PDE5A: variants seen among roughly 807,000 people sequenced by gnomAD.
PDE5A encodes phosphodiesterase 5A.
In PDE5A, 67 loss-of-function variants were observed where a neutral mutation model predicts 110.2. The ratio of observed to expected loss-of-function variants is 0.61; its 90% CI spans 0.50 to 0.75. The LOEUF is 0.75. PDE5A is among the 30% of genes least tolerant of loss of function. PDE5A has a pLI of 0.00. For missense variants in PDE5A, 862 were observed against 1,045.1 expected (o/e 0.82, Z 2.42); for synonymous variants, 328 against 351.2 (o/e 0.93, Z 0.74).
At chr4:119,582,454 C>G (rs1199256366) in intron 3 of PDE5A, among the ~76,000 whole-genome samples, 1 of 152,142 alleles carries the variant, frequency 6.6e-6, no homozygotes, top group Non-Finnish European at 1.5e-5. Flanking sequence ...CAAAGTCATC[C>G]ATGAAGGCTG....
rs60252749 is a variant in PDE5A, at chr4:119,559,422, T to G, written c.1199+874A>C. Among the ~76,000 whole-genome samples the G allele has an allele frequency of 5.8e-3, 879 of 152,332 alleles. 13 individuals are homozygous for G. Among genetic ancestry groups the G allele is most frequent in the African/African-American group, 0.019 (807 of 41,578 alleles). ...CATCATTTTGGACTTTTAATATGAT[T>G]ATCATACTGATGTTCCTATTGTCCC... On this transcript the variant is annotated intron_variant, in intron 7 of 20. Transcript: ENST00000354960.
At chr4:119,544,283 T>C (rs1397530112) in intron 9 of PDE5A, among the ~76,000 whole-genome samples, 2 of 152,216 alleles carry the variant, frequency 1.3e-5, no homozygotes, top group Non-Finnish European at 2.9e-5. Flanking sequence ...TACATGCTTA[T>C]CTATTTGCAA....
At chr4:119,604,922 C>T (rs1019215766) in intron 2 of PDE5A, among the ~76,000 whole-genome samples, 3 of 152,114 alleles carry the variant, frequency 2.0e-5, no homozygotes, top group African/African-American at 4.8e-5. Flanking sequence ...CCATTCCCTC[C>T]TTTTGATCTT....
intron 11 of PDE5A, among the ~76,000 whole-genome samples, chr4:119,531,110 G>C (rs1211468351): frequency 6.6e-6 from 1 of 152,074 alleles, no homozygotes; most frequent in Non-Finnish European, 1.5e-5. Context: ...GGAAGTTACT[G>C]AAAATGGTGA....
intron 3 of PDE5A, among the ~76,000 whole-genome samples, chr4:119,588,170 CTTT>C (rs11297755): frequency 2.3e-5 from 3 of 129,060 alleles, no homozygotes; most frequent in Admixed American, 7.9e-5. Flanking sequence ...CCAATTTTTT[CTTT>C]TTTTTTTTTT....
intron 3 of PDE5A, among the ~76,000 whole-genome samples, chr4:119,578,636 T>C (rs1051448086): frequency 6.6e-6 from 1 of 152,228 alleles, no homozygotes; most frequent in African/African-American, 2.4e-5. Context: ...GCTAGCCATA[T>C]GTAGAAAGCT....
At chr4:119,553,484 A>T (rs920749116) in intron 8 of PDE5A, among the ~76,000 whole-genome samples, 154 bp downstream of exon 8, 3 of 152,104 alleles carry the variant, frequency 2.0e-5, no homozygotes, top group African/African-American at 7.2e-5. Context: ...AGATGTTATG[A>T]TCTATTTTAT....
intron 3 of PDE5A, among the ~76,000 whole-genome samples, chr4:119,595,363 G>C (rs1169850785): frequency 6.6e-6 from 1 of 152,142 alleles, no homozygotes; most frequent in African/African-American, 2.4e-5. Context: ...CTGATTTAAG[G>C]TGAAACCTCG....
intron 3 of PDE5A, among the ~76,000 whole-genome samples, chr4:119,591,295 C>T (rs572704556): frequency 7.9e-5 from 12 of 152,328 alleles, no homozygotes; most frequent in African/African-American, 2.9e-4. Context: ...GTGCCAGGAA[C>T]TACGTTAAAC....
intron 1 of PDE5A, among the ~76,000 whole-genome samples, chr4:119,620,591 G>C (rs1211551398): frequency 2.0e-5 from 3 of 152,072 alleles, no homozygotes; most frequent in Non-Finnish European, 4.4e-5. Context: ...TTTATCTGAG[G>C]TTTGAGAGCC....
chr4:119,625,178 A>G (rs1463341220), intron 1 of PDE5A, among the ~76,000 whole-genome samples: 2 of 152,106 alleles, frequency 1.3e-5, no homozygotes, highest in Admixed American at 6.6e-5. Flanking sequence ...TATTTTTAGT[A>G]GAGACGGGGT....
At chr4:119,624,452 C>T (rs540746293) in intron 1 of PDE5A, among the ~76,000 whole-genome samples, 94 of 152,214 alleles carry the variant, frequency 6.2e-4, no homozygotes, top group East Asian at 4.0e-3. Context: ...GACCAGGAAC[C>T]TCAATTAATT....
chr4:119,545,516 T>C (rs922072853), intron 9 of PDE5A, among the ~76,000 whole-genome samples: 1 of 152,142 alleles, frequency 6.6e-6, no homozygotes, highest in Non-Finnish European at 1.5e-5. Context: ...AAAAATGTAT[T>C]GGGGGAACCA....
At chr4:119,553,573 A>G in intron 8 of PDE5A, 65 bp downstream of exon 8, 1 of 815,096 alleles carries the variant, frequency 1.2e-6, no homozygotes, top group Non-Finnish European at 2.2e-6. Flanking sequence ...TTCAAGAATA[A>G]CTGTAAGTAC....
chr4:119,530,594 T>C (rs1726495445), intron 11 of PDE5A, among the ~76,000 whole-genome samples: 1 of 152,172 alleles, frequency 6.6e-6, no homozygotes, highest in Admixed American at 6.6e-5. Flanking sequence ...CTCTTTTTCC[T>C]AATTGTAATT....
chr4:119,564,061 A>G (rs1018339371), intron 5 of PDE5A, among the ~76,000 whole-genome samples: 3 of 152,100 alleles, frequency 2.0e-5, no homozygotes, highest in Non-Finnish European at 4.4e-5. Flanking sequence ...TTAAGTTACA[A>G]AAGCAAATAT....
At chr4:119,554,293 CCT>C (rs1217838289) in intron 7 of PDE5A, among the ~76,000 whole-genome samples, 1 of 152,014 alleles carries the variant, frequency 6.6e-6, no homozygotes, top group East Asian at 1.9e-4. Flanking sequence ...TGTTCAGTTT[CCT>C]CTCTACACCT....
intron 12 of PDE5A, among the ~76,000 whole-genome samples, chr4:119,521,647 AT>A (rs1726131694): frequency 6.6e-6 from 1 of 151,998 alleles, no homozygotes; most frequent in South Asian, 2.1e-4. Flanking sequence ...GTCCTTTTAA[AT>A]TATACTTATT....
chr4:119,538,851 A>T (rs1291307120), intron 11 of PDE5A, 109 bp downstream of exon 11: 2 of 844,610 alleles, frequency 2.4e-6, no homozygotes, highest in South Asian at 1.4e-5. Context: ...CCCTGCAAGA[A>T]AGCAGAGTTA....
Sources: allele counts gnomAD v4.1 joint callset (sites outside exome capture counted in the v4.1 genomes callset), GRCh38; gene constraint gnomAD v4.1.1; transcripts MANE v1.5; gene names NCBI Gene and HGNC (gene_info 2026-07-23, HGNC 2026-07-21).